Variants in TCN2 observed in about 807,000 individuals in gnomAD.
TCN2 encodes the protein transcobalamin-2.
In TCN2, 34 loss-of-function variants were observed where a neutral mutation model predicts 48.6. The observed-to-expected ratio is 0.70, with a 90% confidence interval of 0.53 to 0.93. The LOEUF (loss-of-function observed/expected upper bound fraction) is 0.93, where lower values mean the gene tolerates loss of function less well. Among genes scored for constraint, TCN2 ranks in the 40% least tolerant of loss-of-function variants. The probability of loss-of-function intolerance (pLI) is 0.00; values close to 1 mark genes in which losing one functional copy is unlikely to be tolerated. For missense variants in TCN2, 652 were observed against 526.1 expected (o/e 1.24, Z -2.34); for synonymous variants, 283 against 212.5 (o/e 1.33, Z -2.89).
chr22:30,616,753 A>G (rs1446703630), intron 6 of TCN2, among the ~76,000 whole-genome samples: 2 of 152,178 alleles, frequency 1.3e-5, no homozygotes, highest in Admixed American at 1.3e-4. Flanking sequence ...GTGAGCCGAG[A>G]TCGCGCCATT....
intron 1 of TCN2, among the ~76,000 whole-genome samples, chr22:30,608,854 CAGTT>C (rs1433712822): frequency 1.3e-5 from 2 of 152,176 alleles, no homozygotes; most frequent in South Asian, 2.1e-4. Context: ...CAGCCTTGGA[CAGTT>C]AGTCCATTAA....
At chr22:30,609,146 T>TC (rs1491416044) in intron 1 of TCN2, among the ~76,000 whole-genome samples, 18 of 151,722 alleles carry the variant, frequency 1.2e-4, no homozygotes, top group Non-Finnish European at 2.5e-4. Flanking sequence ...TGCTTCCTTT[T>TC]CTCTTTCTTC....
chr22:30,623,823 T>TATATACACACACATATATAC, intron 8 of TCN2, among the ~76,000 whole-genome samples: 1 of 49,470 alleles, frequency 2.0e-5, no homozygotes, highest in Non-Finnish European at 3.4e-5. Flanking sequence ...TACACACACA[T>TATATACACACACATATATAC]ACACACACAT....
Position 30,614,636 on chromosome 22 carries a change from A to G in TCN2, c.580+135A>G. 7.6e-6 allele frequency: 10 copies of G among 1,310,238 alleles called. No homozygotes were observed. In the South Asian group the frequency reaches 1.1e-4, roughly 15 times the overall value. The allele number at this position is 1,310,238 out of a possible 1,614,324, so 81.2% of individuals were successfully genotyped here. A position where few individuals can be genotyped will look rare whatever the true frequency, so the allele number is the denominator to read the frequency against. On this transcript the variant is annotated intron_variant, in intron 4 of 8. Coordinates refer to ENST00000215838, the MANE Select transcript of TCN2 (RefSeq NM_000355.4). ...TCCGAATCAAGTCCTTTAGGGACGA[A>G]TTGGCGAGGGCTCATGGGTGATGCT...
Position 30,614,489 on chromosome 22 carries a change from C to T in TCN2, c.568C>T (p.His190Tyr), listed in dbSNP as rs757378346. 5 of 1,614,186 alleles carry T rather than the reference C, an allele frequency of 3.1e-6. No individual in the cohort carries two copies. In the Admixed American group the frequency reaches 6.7e-5, roughly 22 times the overall value. ...LYAVEPFHQGHHSVDTAAMAG... is the reference protein window; with the variant it reads ...LYAVEPFHQGYHSVDTAAMAG... Reference sequence around the variant, plus strand: ...TGCTGTGGAACCTTTCCACCAGGGCCACCATTCTGTGGGTGAGTAGGTCAG... The same window carrying T: ...TGCTGTGGAACCTTTCCACCAGGGCTACCATTCTGTGGGTGAGTAGGTCAG... The change falls in exon 4 of 9, where the codon CAC becomes TAC. Residue 190 changes from histidine to tyrosine, a missense_variant. Coordinates refer to ENST00000215838, the MANE Select transcript of TCN2 (RefSeq NM_000355.4).
chr22:30,622,295 C>T (rs1015001777), intron 7 of TCN2, among the ~76,000 whole-genome samples: 4 of 152,202 alleles, frequency 2.6e-5, no homozygotes, highest in Non-Finnish European at 5.9e-5. Context: ...CCCAGGCCCA[C>T]GGAGTTTTAA....
chr22:30,610,683 A>G (rs2087523779), intron 1 of TCN2, among the ~76,000 whole-genome samples, 188 bp from the exon 2 acceptor site: 1 of 152,054 alleles, frequency 6.6e-6, no homozygotes, highest in Non-Finnish European at 1.5e-5. Flanking sequence ...TTAGAGATAC[A>G]CGCTTCCCCT....
intron 7 of TCN2, 124 bp downstream of exon 7, chr22:30,617,619 T>G: frequency 7.7e-7 from 1 of 1,292,396 alleles, no homozygotes; most frequent in Non-Finnish European, 1.1e-6. Context: ...TGCTTCTGCT[T>G]CTACCTGCTC....
rs755556906 is a variant in TCN2 at position 30,615,753 on chromosome 22, T to C, written c.906T>C (p.Ile302=). Residue 302 remains isoleucine, a synonymous_variant, in exon 6 of 9, where the codon ATT becomes ATC. Coordinates refer to ENST00000215838, the MANE Select transcript of TCN2 (RefSeq NM_000355.4). ...LLPVLNHKTY[I]DLIFPDCLAP... ...CCGTTCTGAACCACAAGACCTACAT[T>C]GATCTGATCTTCCCAGACTGTCTGG... 1.9e-6 allele frequency: 3 copies of C among 1,614,224 alleles called. No individual in the cohort carries two copies. The highest frequency in any genetic ancestry group is 2.5e-6 in the Non-Finnish European group (3 of 1,180,042).
At chr22:30,619,170 G>A (rs1237977480) in intron 7 of TCN2, among the ~76,000 whole-genome samples, 1 of 152,116 alleles carries the variant, frequency 6.6e-6, no homozygotes, top group East Asian at 1.9e-4. Flanking sequence ...TCAATCTTCC[G>A]GGCTCTGATC....
At chr22:30,625,623 C>A (rs79071604) in intron 8 of TCN2, among the ~76,000 whole-genome samples, 17,241 of 152,008 alleles carry the variant, frequency 0.11, 2,181 homozygotes, top group African/African-American at 0.3. Flanking sequence ...GCACAAAGCC[C>A]AGCTAATTTT....
At chr22:30,622,497 G>T (rs544515848) in intron 7 of TCN2, among the ~76,000 whole-genome samples, 4 of 152,186 alleles carry the variant, frequency 2.6e-5, no homozygotes, top group Non-Finnish European at 5.9e-5. Context: ...ATGCAGCCCC[G>T]AGAAGAGGGG....
chr22:30,623,703 T>TAC (rs2087733956), intron 8 of TCN2, among the ~76,000 whole-genome samples: 2 of 139,448 alleles, frequency 1.4e-5, no homozygotes, highest in Admixed American at 7.5e-5. Flanking sequence ...ATATGAAATA[T>TAC]ATATATATAC....
Position 30,626,764 on chromosome 22 carries a change from C to T in TCN2, c.*243C>T. The T allele has an allele frequency of 3.4e-6, 2 of 594,964 alleles. No homozygotes were observed. Among genetic ancestry groups the T allele is most frequent in the South Asian group, 3.9e-5 (2 of 51,062 alleles). The allele number at this position is 594,964 out of a possible 1,614,324, so 36.9% of individuals were successfully genotyped here. A position where few individuals can be genotyped will look rare whatever the true frequency, so the allele number is the denominator to read the frequency against. ...CTGGCCAAGTCTGGCCAGCCTGGCC[C>T]TGCAGGTCTCCCATGAAGGCCACCC... On this transcript the variant is annotated 3_prime_UTR_variant, in exon 9 of 9. Transcript: ENST00000215838.
Position 30,622,854 on chromosome 22 carries a change from C to T in TCN2, c.1107-114C>T, listed in dbSNP as rs558049760. ...GCCAGGTGGCCTGGGAAGGGTTTGACGAGTGTCGGCCCAAAGAGCTTGGAA... is the reference window on the plus strand; with the variant it reads ...GCCAGGTGGCCTGGGAAGGGTTTGATGAGTGTCGGCCCAAAGAGCTTGGAA... On this transcript the variant is annotated intron_variant, in intron 7 of 8. Transcript: ENST00000215838. 25 of 1,102,472 alleles carry T rather than the reference C, an allele frequency of 2.3e-5. No individual in the cohort carries two copies. In the East Asian group the frequency reaches 3.2e-4, roughly 14 times the overall value. 68.3% of individuals were successfully genotyped at this position (1,102,472 alleles called of 1,614,324 possible).
In TCN2 at chr22:30,615,428, C is replaced by G. The variant is rs762630641; in HGVS notation, c.708C>G (p.Pro236=). 1.9e-6 allele frequency: 3 copies of G among 1,614,158 alleles called. No individual in the cohort carries two copies. Among genetic ancestry groups the G allele is most frequent in the Middle Eastern group, 1.6e-4 (1 of 6,062 alleles). Residue 236 remains proline, a synonymous_variant, in exon 5 of 9, where the codon CCC becomes CCG. Coordinates refer to ENST00000215838, the MANE Select transcript of TCN2 (RefSeq NM_000355.4). ...VREEILKAQT[P]EGHFGNVYST... ...AGGAGATCTTGAAGGCCCAGACCCC[C>G]GAGGGCCACTTTGGGAATGTCTACA...
At chr22:30,621,986 G>C (rs1400355934) in intron 7 of TCN2, among the ~76,000 whole-genome samples, 1 of 152,140 alleles carries the variant, frequency 6.6e-6, no homozygotes, top group South Asian at 2.1e-4. Flanking sequence ...GGCCCACGGA[G>C]TTTGTTTTGT....
chr22:30,615,548 T>C (rs1210951110), intron 5 of TCN2, 53 bp from the exon 6 acceptor site: 18 of 1,613,804 alleles, frequency 1.1e-5, no homozygotes, highest in Non-Finnish European at 1.4e-5. Context: ...CTGGAACACC[T>C]AGCCCCTCCC....
chr22:30,624,645 A>G (rs1378947824), intron 8 of TCN2, among the ~76,000 whole-genome samples: 2 of 152,156 alleles, frequency 1.3e-5, no homozygotes, highest in Non-Finnish European at 2.9e-5. Flanking sequence ...GGAGGGTGAG[A>G]GCTAGGTGGA....
Sources: gnomAD v4.1 joint callset for allele counts (sites outside exome capture counted in the v4.1 genomes callset) on GRCh38, gnomAD v4.1.1 for gene constraint, MANE v1.5 for transcripts, NCBI Gene and HGNC (gene_info 2026-07-23, HGNC 2026-07-21) for gene names.